The following PDE10A variants were observed in gnomAD, a reference collection of about 807,000 sequenced individuals.
The protein encoded by PDE10A is phosphodiesterase 10A.
Under a neutral mutation model 97.7 loss-of-function variants are expected in PDE10A, and 39 were observed. The observed-to-expected ratio is 0.40, with a 90% CI of 0.31 to 0.52. The LOEUF is 0.52. Among genes scored for constraint, PDE10A ranks in the 20% least tolerant of loss-of-function variants. The pLI is 0.56. For missense variants in PDE10A, 731 were observed against 1,047.8 expected, an observed-to-expected ratio of 0.70 and a Z score of 4.17; for synonymous variants, 371 against 376.8, an observed-to-expected ratio of 0.98 and a Z score of 0.18.
chr6:165,404,502 A>G (rs981256085), intron 13 of PDE10A, among the ~76,000 whole-genome samples: 3 of 152,150 alleles, frequency 2.0e-5, no homozygotes, highest in African/African-American at 7.2e-5. Context: ...ATTTATCCTA[A>G]CATATTGCAG....
At chr6:165,701,672 T>TG (rs1791575311) in intron 1 of PDE10A, among the ~76,000 whole-genome samples, 1 of 98,756 alleles carries the variant, frequency 1.0e-5, no homozygotes, top group African/African-American at 4.6e-5. Context: ...TGCATGTATG[T>TG]TTGTGTGTGT....
At chr6:165,344,220 TA>T (rs1405304165) in intron 18 of PDE10A, among the ~76,000 whole-genome samples, 15 of 152,066 alleles carry the variant, frequency 9.9e-5, no homozygotes, top group Admixed American at 6.6e-4. Flanking sequence ...AATAATAACT[TA>T]AAAAAAATCA....
chr6:165,657,944 T>C (rs1031894033), intron 1 of PDE10A, among the ~76,000 whole-genome samples: 1 of 152,220 alleles, frequency 6.6e-6, no homozygotes, highest in African/African-American at 2.4e-5. Flanking sequence ...TGTCCATAGC[T>C]ATATTTCAAG....
intron 2 of PDE10A, among the ~76,000 whole-genome samples, chr6:165,527,478 C>G (rs888860480): frequency 6.6e-6 from 1 of 152,274 alleles, no homozygotes; most frequent in South Asian, 2.1e-4. Flanking sequence ...GCGGAGGCCT[C>G]TAGGATTTTG....
At chr6:165,365,167 GAAGA>G (rs1290856611) in intron 18 of PDE10A, among the ~76,000 whole-genome samples, 2 of 151,904 alleles carry the variant, frequency 1.3e-5, no homozygotes, top group African/African-American at 4.8e-5. Flanking sequence ...TATAAGAAAG[GAAGA>G]AATAAAAATG....
chr6:165,893,228 C>T (rs1781852021), intron 1 of PDE10A, among the ~76,000 whole-genome samples: 1 of 152,222 alleles, frequency 6.6e-6, no homozygotes, highest in Non-Finnish European at 1.5e-5. Flanking sequence ...AGCATCGCTA[C>T]AGCAATTTTA....
intron 10 of PDE10A, among the ~76,000 whole-genome samples, chr6:165,419,744 T>C (rs1788563305): frequency 6.6e-6 from 1 of 152,120 alleles, no homozygotes; most frequent in Non-Finnish European, 1.5e-5. Context: ...TAACTTCAAC[T>C]ATCCAGATCA....
At chr6:165,566,249 T>G (rs1409874404) in intron 1 of PDE10A, among the ~76,000 whole-genome samples, 1 of 152,082 alleles carries the variant, frequency 6.6e-6, no homozygotes, top group African/African-American at 2.4e-5. Flanking sequence ...ACAAACAACC[T>G]GATTATTAAA....
At chr6:165,656,668 C>T (rs1473835655) in intron 1 of PDE10A, among the ~76,000 whole-genome samples, 1 of 152,132 alleles carries the variant, frequency 6.6e-6, no homozygotes, top group African/African-American at 2.4e-5. Flanking sequence ...GGCTGTTTTC[C>T]ACCCTGCAAC....
rs77018782 is a variant in PDE10A, at chr6:165,451,955, G to A, written c.1024-1593C>T. Among the ~76,000 whole-genome samples the A allele has an allele frequency of 8.9e-4, 135 of 152,334 alleles. 2 individuals are homozygous for A. The highest frequency in any genetic ancestry group is 3.0e-3 in the African/African-American group (126 of 41,572). Reference sequence around the variant, plus strand: ...CCAAAAGTGGCCAATGCTCAATGAAGTTGAAACCTCAGAACTTCCCTGGTA... The same window carrying A: ...CCAAAAGTGGCCAATGCTCAATGAAATTGAAACCTCAGAACTTCCCTGGTA... On this transcript the variant is annotated intron_variant, in intron 3 of 21. Coordinates refer to ENST00000539869, the MANE Select transcript of PDE10A (RefSeq NM_001385079.1).
intron 1 of PDE10A, among the ~76,000 whole-genome samples, chr6:165,730,995 G>A (rs1394344079): frequency 6.6e-6 from 1 of 152,192 alleles, no homozygotes; most frequent in Non-Finnish European, 1.5e-5. Flanking sequence ...GCAGTGAGCT[G>A]AGATTGTGCC....
chr6:165,411,971 G>C (rs1442277025), intron 13 of PDE10A, among the ~76,000 whole-genome samples: 2 of 151,794 alleles, frequency 1.3e-5, no homozygotes, highest in African/African-American at 4.8e-5. Flanking sequence ...AAAAATTCAC[G>C]AACAGTTATA....
At chr6:165,720,677 C>T (rs1792145457) in intron 1 of PDE10A, among the ~76,000 whole-genome samples, 1 of 152,170 alleles carries the variant, frequency 6.6e-6, no homozygotes, top group South Asian at 2.1e-4. Context: ...TTGAATAATA[C>T]CCGGATAAGC....
intron 1 of PDE10A, among the ~76,000 whole-genome samples, chr6:165,928,750 T>G (rs976771379): frequency 1.8e-4 from 28 of 152,144 alleles, no homozygotes; most frequent in Non-Finnish European, 1.3e-4. Flanking sequence ...ACTTAGTGCC[T>G]CCTGAGTGCT....
At chr6:165,630,671 G>A (rs560601758) in intron 1 of PDE10A, among the ~76,000 whole-genome samples, 1 of 152,052 alleles carries the variant, frequency 6.6e-6, no homozygotes, top group Non-Finnish European at 1.5e-5. Context: ...GGCATATTTG[G>A]AAAAGAAAAA....
intron 3 of PDE10A, among the ~76,000 whole-genome samples, chr6:165,459,182 C>A (rs1276222268): frequency 6.6e-6 from 1 of 152,266 alleles, no homozygotes; most frequent in East Asian, 1.9e-4. Flanking sequence ...GCCTGGCTGC[C>A]TCCCTGACTT....
chr6:165,466,610 T>C (rs1778666072), intron 3 of PDE10A, among the ~76,000 whole-genome samples: 1 of 152,222 alleles, frequency 6.6e-6, no homozygotes, highest in South Asian at 2.1e-4. Context: ...CATTTTGTAA[T>C]TCTCACTGTA....
intron 1 of PDE10A, among the ~76,000 whole-genome samples, chr6:165,909,600 T>C (rs932818638): frequency 2.6e-5 from 4 of 152,166 alleles, no homozygotes; most frequent in Non-Finnish European, 4.4e-5. Context: ...GGCTGCCCCA[T>C]TGGTTCCAGG....
intron 1 of PDE10A, among the ~76,000 whole-genome samples, chr6:165,875,912 G>A (rs1207991278): frequency 6.6e-6 from 1 of 151,948 alleles, no homozygotes; most frequent in Non-Finnish European, 1.5e-5. Flanking sequence ...CAGGGATTAG[G>A]GCATGATATT....
Sources: gnomAD v4.1 joint callset for allele counts (sites outside exome capture counted in the v4.1 genomes callset) on GRCh38, gnomAD v4.1.1 for gene constraint, MANE v1.5 for transcripts, NCBI Gene and HGNC (gene_info 2026-07-23, HGNC 2026-07-21) for gene names.